Variants in RAPGEF5 observed in about 807,000 individuals in gnomAD.
RAPGEF5 encodes M-Ras-regulated GEF.
In RAPGEF5, 65 loss-of-function variants were observed where a neutral mutation model predicts 125.2. The ratio of observed to expected loss-of-function variants is 0.52; its 90% CI spans 0.43 to 0.64. RAPGEF5 has a LOEUF of 0.64. Ranked by LOEUF, RAPGEF5 falls within the 30% of genes least tolerant of loss-of-function variation. RAPGEF5 has a pLI of 0.00. For synonymous variants in RAPGEF5, 391 were observed against 385.9 expected, an observed-to-expected ratio of 1.01 and a Z score of -0.16; for missense variants, 958 against 1,048.1, an observed-to-expected ratio of 0.91 and a Z score of 1.19.
chr7:22,250,021 C>T (rs924926937), intron 7 of RAPGEF5, among the ~76,000 whole-genome samples: 6 of 152,140 alleles, frequency 3.9e-5, no homozygotes, highest in Non-Finnish European at 8.8e-5. Context: ...GACTTTGATG[C>T]GGCTATCAGA....
intron 5 of RAPGEF5, 119 bp from the exon 6 acceptor site, chr7:22,291,360 T>G: frequency 7.1e-7 from 1 of 1,402,194 alleles, no homozygotes; most frequent in Non-Finnish European, 9.3e-7. Context: ...AAAGTACTCA[T>G]GAAAATAACA....
rs571446432 is a variant in RAPGEF5, at chr7:22,216,077, C to A, written c.996+3789G>T. 2.6e-5 allele frequency among the ~76,000 whole-genome samples: 4 copies of A among 152,346 alleles called. No individual in the cohort carries two copies. The South Asian group carries it at 8.3e-4, about 32-fold the overall frequency. On this transcript the variant is annotated intron_variant, in intron 9 of 25. Coordinates refer to ENST00000665637, the MANE Select transcript of RAPGEF5 (RefSeq NM_012294.5). ...TAGTCACTGAATTCTGTCAATTTTA[C>A]TGTGTAAATGACTTTCCACATTTAC... is the stretch of plus-strand genomic sequence containing the variant.
At chr7:22,132,049 C>T (rs1251662040) in intron 23 of RAPGEF5, among the ~76,000 whole-genome samples, 2 of 151,834 alleles carry the variant, frequency 1.3e-5, no homozygotes, top group Admixed American at 6.6e-5. Context: ...GGAGAACCAA[C>T]CAAATAAAAA....
intron 8 of RAPGEF5, among the ~76,000 whole-genome samples, chr7:22,220,614 A>AT (rs1205077844): frequency 2.0e-5 from 3 of 152,040 alleles, no homozygotes; most frequent in Non-Finnish European, 4.4e-5. Flanking sequence ...AATTTCATTC[A>AT]TTGGGGTTTG....
rs1232082258 is a variant in RAPGEF5, at chr7:22,154,538, G to A, written c.1703C>T (p.Ala568Val). Residue 568 changes from alanine (A) to valine (V), a missense_variant, in exon 17 of 26, where the codon GCC (alanine) becomes GTC (valine). Transcript: ENST00000665637. ...TGCCACGACTTTTAGGATCTCTTGG[G>A]CTATACTGGAAACTTTTGCCTTCAC... The part of the protein sequence containing the change: ...VSVKAKVSSI[A>V]QEILKVVAEK... The A allele has an allele frequency of 6.2e-7, 1 of 1,613,896 alleles. No individual in the cohort carries two copies. The highest frequency in any genetic ancestry group is 2.2e-5 in the East Asian group (1 of 44,892).
At chr7:22,295,876 G>A (rs1190790597) in intron 5 of RAPGEF5, among the ~76,000 whole-genome samples, 4 of 152,028 alleles carry the variant, frequency 2.6e-5, no homozygotes, top group African/African-American at 7.2e-5. Context: ...TTCAGACATC[G>A]GAATAGCAGA....
intron 24 of RAPGEF5, among the ~76,000 whole-genome samples, chr7:22,127,655 G>A (rs572569240): frequency 1.3e-5 from 2 of 152,228 alleles, no homozygotes; most frequent in East Asian, 3.9e-4. Context: ...TATTATTCAA[G>A]AATTAATATC....
intron 21 of RAPGEF5, 150 bp downstream of exon 21, chr7:22,139,875 G>T: frequency 1.5e-6 from 1 of 658,420 alleles, no homozygotes; most frequent in Non-Finnish European, 2.6e-6. Flanking sequence ...TTATACAACC[G>T]TTTAAAGACC....
intron 18 of RAPGEF5, among the ~76,000 whole-genome samples, chr7:22,149,064 A>G (rs77585362): frequency 0.015 from 2,260 of 152,310 alleles, 30 homozygotes; most frequent in Middle Eastern, 0.027. Flanking sequence ...AGTCAAACAT[A>G]TAATTGCATT....
chr7:22,306,271 G>A (rs1281662305), intron 5 of RAPGEF5, among the ~76,000 whole-genome samples: 4 of 152,152 alleles, frequency 2.6e-5, no homozygotes, highest in African/African-American at 7.2e-5. Flanking sequence ...TTTAACTGGG[G>A]TGAAATGATA....
At chr7:22,125,582 G>A (rs751184977) in intron 25 of RAPGEF5, 22 bp downstream of exon 25, 64 of 1,596,038 alleles carry the variant, frequency 4.0e-5, no homozygotes, top group Non-Finnish European at 4.8e-5. Flanking sequence ...TTTACATTCC[G>A]CACCTGACTT....
intron 7 of RAPGEF5, among the ~76,000 whole-genome samples, chr7:22,258,407 G>C (rs571367595): frequency 6.6e-6 from 1 of 152,144 alleles, no homozygotes; most frequent in African/African-American, 2.4e-5. Flanking sequence ...AATCACCTGA[G>C]GTTGGGAGTT....
In RAPGEF5 at chr7:22,270,365, C is replaced by T. The variant is rs866093925; in HGVS notation, c.748-3353G>A. ...ACCCGGTACCAACATAATAAATACA[C>T]GTTGTTTCAAATCTGTAGATTCTGG... On this transcript the variant is annotated intron_variant, in intron 6 of 25. Coordinates refer to ENST00000665637, the MANE Select transcript of RAPGEF5 (RefSeq NM_012294.5). 5.9e-5 allele frequency among the ~76,000 whole-genome samples: 9 copies of T among 152,306 alleles called. 1 individual carries two copies. In the Middle Eastern group the frequency reaches 0.017, roughly 288 times the overall value.
chr7:22,217,207 G>A (rs984306753), intron 9 of RAPGEF5, among the ~76,000 whole-genome samples: 1 of 152,158 alleles, frequency 6.6e-6, no homozygotes, highest in Non-Finnish European at 1.5e-5. Context: ...ATAAAAGAAA[G>A]GAAATCTGTA....
chr7:22,289,440 T>C lies in RAPGEF5; in HGVS notation c.747+1735A>G, dbSNP rs544089089. Among the ~76,000 whole-genome samples, 5 of 152,346 alleles carry C rather than the reference T, an allele frequency of 3.3e-5. No individual in the cohort carries two copies. In the East Asian group the frequency reaches 9.6e-4, roughly 29 times the overall value. On this transcript the variant is annotated intron_variant, in intron 6 of 25. Coordinates refer to ENST00000665637, the MANE Select transcript of RAPGEF5 (RefSeq NM_012294.5). ...TTTCGTATCTATAAAATAGACATAA[T>C]ACCACCTACTTCATAGTGCTGTTGT...
At chr7:22,242,394 C>G (rs1283650852) in intron 7 of RAPGEF5, among the ~76,000 whole-genome samples, 1 of 152,158 alleles carries the variant, frequency 6.6e-6, no homozygotes, top group Non-Finnish European at 1.5e-5. Flanking sequence ...TTACAAAAGG[C>G]AAAGGTCTGG....
intron 5 of RAPGEF5, among the ~76,000 whole-genome samples, chr7:22,306,623 T>C (rs557802552): frequency 6.6e-6 from 1 of 152,342 alleles, no homozygotes; most frequent in South Asian, 2.1e-4. Flanking sequence ...TGTGGAGTAT[T>C]GCTCAAGAAA....
At chr7:22,355,485 TTTA>T (rs1344423079) in intron 1 of RAPGEF5, among the ~76,000 whole-genome samples, 1 of 152,178 alleles carries the variant, frequency 6.6e-6, no homozygotes, top group Non-Finnish European at 1.5e-5. Flanking sequence ...CCAGTTCTTG[TTTA>T]TTCCGACACC....
chr7:22,175,198 T>C lies in RAPGEF5; in HGVS notation c.1205-8050A>G, dbSNP rs1213512800. 2.6e-5 allele frequency among the ~76,000 whole-genome samples: 4 copies of C among 152,184 alleles called. No individual in the cohort carries two copies. The East Asian group carries it at 7.7e-4, about 29-fold the overall frequency. ...AGGATTGGAAATGAGTGTTAAATGC[T>C]GCTTGAAGAGGCTTTATCGGGCTCA... On this transcript the variant is annotated intron_variant, in intron 11 of 25. Coordinates refer to ENST00000665637, the MANE Select transcript of RAPGEF5 (RefSeq NM_012294.5).
Sources: gnomAD v4.1 joint callset for allele counts (sites outside exome capture counted in the v4.1 genomes callset) on GRCh38, gnomAD v4.1.1 for gene constraint, MANE v1.5 for transcripts, NCBI Gene and HGNC (gene_info 2026-07-23, HGNC 2026-07-21) for gene names.